The following BLTP3B variants were observed in gnomAD, a reference collection of about 807,000 sequenced individuals.
The protein encoded by BLTP3B is bridge-like lipid transfer protein family member 3B, also known as UHRF1 (ICBP90) binding protein 1-like.
chr12:100,129,683 A>T, the BLTP3B span, among the ~76,000 whole-genome samples: 1 of 152,212 alleles, frequency 6.6e-6, no homozygotes, highest in South Asian at 2.1e-4. Context: ...CTGCCCATGG[A>T]AAATGTACTA....
At chr12:100,092,982 A>AACTT in the BLTP3B span, 2 of 984,938 alleles carry the variant, frequency 2.0e-6, no homozygotes, top group Non-Finnish European at 2.4e-6. Flanking sequence ...TAAAGTTCTG[A>AACTT]ACTTTTCTCT....
At chr12:100,068,004 A>C in the BLTP3B span, among the ~76,000 whole-genome samples, 5 of 152,058 alleles carry the variant, frequency 3.3e-5, no homozygotes, top group African/African-American at 4.8e-5. Context: ...AAAATTCAAA[A>C]TCTCATATGG....
the BLTP3B span, among the ~76,000 whole-genome samples, chr12:100,079,362 C>A: frequency 6.6e-6 from 1 of 152,066 alleles, no homozygotes; most frequent in Non-Finnish European, 1.5e-5. Flanking sequence ...CTGAGGTGGT[C>A]TCAGATGGAG....
the BLTP3B span, among the ~76,000 whole-genome samples, chr12:100,126,195 A>C: frequency 3.9e-5 from 6 of 152,192 alleles, no homozygotes; most frequent in Non-Finnish European, 7.3e-5. Context: ...TTGTCAAGTG[A>C]ATAAGGCAGA....
At chr12:100,091,177 T>C in the BLTP3B span, among the ~76,000 whole-genome samples, 1 of 141,238 alleles carries the variant, frequency 7.1e-6, no homozygotes, top group Non-Finnish European at 1.5e-5. Flanking sequence ...CCATCACGCC[T>C]GGCTAATTTT....
chr12:100,135,224 T>G, the BLTP3B span, among the ~76,000 whole-genome samples: 1 of 152,160 alleles, frequency 6.6e-6, no homozygotes, highest in African/African-American at 2.4e-5. Context: ...TTGCATTTGT[T>G]CCCACTATCT....
chr12:100,099,014 A>G, the BLTP3B span, among the ~76,000 whole-genome samples: 2 of 148,688 alleles, frequency 1.3e-5, no homozygotes, highest in Non-Finnish European at 3.0e-5. Flanking sequence ...TTTTTTCCCT[A>G]AGAGTCTCAA....
chr12:100,078,657 T>G, the BLTP3B span, among the ~76,000 whole-genome samples: 2 of 152,170 alleles, frequency 1.3e-5, no homozygotes, highest in African/African-American at 4.8e-5. Flanking sequence ...CATCCATATA[T>G]TTACACATCT....
At chr12:100,070,026 T>A in the BLTP3B span, 1 of 1,343,636 alleles carries the variant, frequency 7.4e-7, no homozygotes, top group Non-Finnish European at 9.6e-7. Flanking sequence ...AGGGGAGCAG[T>A]GTAATACAGT....
At chr12:100,074,608 A>T in the BLTP3B span, among the ~76,000 whole-genome samples, 5 of 151,904 alleles carry the variant, frequency 3.3e-5, no homozygotes, top group African/African-American at 1.2e-4. Context: ...AAAAAAAAAA[A>T]AAGTCCACAC....
chr12:100,108,584 T>C, the BLTP3B span: 11 of 1,550,848 alleles, frequency 7.1e-6, no homozygotes. Flanking sequence ...TATTTATGTG[T>C]CAGTTACTAT....
At chr12:100,040,888 A>T in the BLTP3B span, among the ~76,000 whole-genome samples, 1 of 152,344 alleles carries the variant, frequency 6.6e-6, no homozygotes, top group South Asian at 2.1e-4. Flanking sequence ...ATTTTATCAA[A>T]CATTTAAAGA....
At chr12:100,082,364 C>T in the BLTP3B span, among the ~76,000 whole-genome samples, 2 of 152,068 alleles carry the variant, frequency 1.3e-5, no homozygotes, top group Non-Finnish European at 2.9e-5. Context: ...TGTCTGTTGA[C>T]AGTTTATTTT....
chr12:100,133,572 G>C, the BLTP3B span, among the ~76,000 whole-genome samples: 21 of 152,140 alleles, frequency 1.4e-4, no homozygotes, highest in African/African-American at 5.1e-4. Context: ...CAATGAAAAG[G>C]GTACTGGATC....
At chr12:100,054,918 A>G in the BLTP3B span, among the ~76,000 whole-genome samples, 9 of 152,328 alleles carry the variant, frequency 5.9e-5, no homozygotes, top group South Asian at 4.1e-4. Context: ...AAAGTGATCA[A>G]TAATAATAAC....
chr12:100,141,515 T>C, the BLTP3B span, among the ~76,000 whole-genome samples: 6 of 152,150 alleles, frequency 3.9e-5, no homozygotes, highest in Non-Finnish European at 8.8e-5. Flanking sequence ...TTCAGTATTA[T>C]AAGTGAGGAA....
the BLTP3B span, among the ~76,000 whole-genome samples, chr12:100,079,911 T>C: frequency 1.3e-5 from 2 of 152,236 alleles, no homozygotes; most frequent in African/African-American, 2.4e-5. Flanking sequence ...GCTTGGGCCA[T>C]AGCTTCAGAA....
the BLTP3B span, among the ~76,000 whole-genome samples, chr12:100,115,679 C>T: frequency 6.6e-6 from 1 of 151,862 alleles, no homozygotes; most frequent in Non-Finnish European, 1.5e-5. Context: ...TAGGAAGATC[C>T]CTCAAGCCCG....
the BLTP3B span, among the ~76,000 whole-genome samples, chr12:100,073,388 C>T: frequency 2.1e-5 from 3 of 143,042 alleles, no homozygotes; most frequent in African/African-American, 5.4e-5. Flanking sequence ...TTGGTAGAGA[C>T]GGGGTTTCGC....
Sources: gnomAD v4.1 joint callset for allele counts (sites outside exome capture counted in the v4.1 genomes callset) on GRCh38, gnomAD v4.1.1 for gene constraint, MANE v1.5 for transcripts, NCBI Gene and HGNC (gene_info 2026-07-23, HGNC 2026-07-21) for gene names.